Variants in ANK3 observed in about 807,000 individuals in gnomAD.
ANK3 encodes ankyrin-3.
Under a neutral mutation model 370.9 loss-of-function variants are expected in ANK3, and 57 were observed. The observed-to-expected ratio is 0.15, with a 90% confidence interval of 0.12 to 0.19. ANK3 has a LOEUF of 0.19. Among genes scored for constraint, ANK3 ranks in the 10% least tolerant of loss-of-function variants. The pLI, the probability that ANK3 is intolerant of heterozygous loss-of-function variation, is 1.00. For missense variants in ANK3, 4,439 were observed against 5,302.1 expected, an observed-to-expected ratio of 0.84 and a Z score of 5.06; for synonymous variants, 1,929 against 1,946.3, an observed-to-expected ratio of 0.99 and a Z score of 0.23.
intron 23 of ANK3, among the ~76,000 whole-genome samples, chr10:60,145,691 ATCAGTTGCTG>A (rs1264999373): frequency 6.6e-6 from 1 of 152,206 alleles, no homozygotes; most frequent in Non-Finnish European, 1.5e-5. Context: ...AGGATTCAAA[ATCAGTTGCTG>A]TCACTCTAGA....
rs769553086 is a variant in ANK3 at position 60,070,266 on chromosome 10, C to G, written c.10615G>C (p.Gly3539Arg). The change falls in exon 37 of 44, where the codon GGT becomes CGT. Residue 3539 changes from glycine (G) to arginine (R), a missense_variant. By Grantham distance (125) the Gly-to-Arg change is moderately radical. Coordinates refer to ENST00000280772, the MANE Select transcript of ANK3 (RefSeq NM_020987.5). This position sits in a 1 kb window ranked among gnomAD's most constrained non-coding sequence, Gnocchi z 5.7. ...TTAGACCAAGGGTCAAAATCTAGAC[C>G]TTTGGTAGCTACTGTTTTAAAAGGA... ...ATPFKTVATK[G>R]LDFDPWSNNR... 5 of 1,613,942 alleles carry G rather than the reference C, an allele frequency of 3.1e-6. No individual in the cohort carries two copies. In the African/African-American group the frequency reaches 4.0e-5, roughly 13 times the overall value.
intron 1 of ANK3, among the ~76,000 whole-genome samples, chr10:60,332,428 G>A (rs2051584801): frequency 6.6e-6 from 1 of 152,160 alleles, no homozygotes; most frequent in South Asian, 2.1e-4. Context: ...GAGTATGTAG[G>A]TGTTGGCGCC....
At chr10:60,205,644 C>T (rs1284452508) in intron 11 of ANK3, 148 bp downstream of exon 11, 3 of 604,354 alleles carry the variant, frequency 5.0e-6, no homozygotes, top group African/African-American at 3.7e-5. Flanking sequence ...TAGGGACTGG[C>T]AGCCCTCTTC....
intron 40 of ANK3, chr10:60,061,886 C>A (rs2080555279): frequency 6.6e-6 from 1 of 152,134 alleles, no homozygotes. Context: ...GTTAATCTAA[C>A]TTTGCCAGTT....
intron 1 of ANK3, among the ~76,000 whole-genome samples, chr10:60,317,394 G>C (rs2047672588): frequency 6.6e-6 from 1 of 152,102 alleles, no homozygotes; most frequent in Non-Finnish European, 1.5e-5. Flanking sequence ...AAAGTGCTGG[G>C]ATTACAGGCA....
intron 1 of ANK3, among the ~76,000 whole-genome samples, chr10:60,676,184 A>G (rs1276865520): frequency 1.3e-5 from 2 of 152,210 alleles, no homozygotes; most frequent in Non-Finnish European, 2.9e-5. Flanking sequence ...TGATGTTGCA[A>G]TTTTTAAAAG....
intron 2 of ANK3, among the ~76,000 whole-genome samples, chr10:60,490,202 A>C (rs2075457298): frequency 6.6e-6 from 1 of 151,856 alleles, no homozygotes; most frequent in South Asian, 2.1e-4. Flanking sequence ...TCTCAGCTAT[A>C]AAAGTGAAAG....
chr10:60,081,335 C>G (rs2132004051), intron 35 of ANK3, among the ~76,000 whole-genome samples: 1 of 152,196 alleles, frequency 6.6e-6, no homozygotes, highest in East Asian at 1.9e-4. Flanking sequence ...TTCCCCCACC[C>G]CATCCCCGCC....
At position 60,108,370 on chromosome 10, in the gene ANK3, T is replaced by G. The variant is rs557109764; in HGVS notation, c.3173+460A>C. On this transcript the variant is annotated intron_variant, in intron 27 of 43. Coordinates refer to ENST00000280772, the MANE Select transcript of ANK3 (RefSeq NM_020987.5). The stretch of plus-strand genomic sequence containing the variant: ...TCAGTCACGACAGAGCCTGCCTGAT[T>G]TGTACCCAAGTGCCACCTCAGAAAA... 158 of 249,208 alleles carry G rather than the reference T, an allele frequency of 6.3e-4. 1 individual carries two copies. The highest frequency in any genetic ancestry group is 6.0e-3 in the South Asian group (152 of 25,516). 15.4% of individuals were successfully genotyped at this position (249,208 alleles called of 1,614,324 possible).
intron 1 of ANK3, among the ~76,000 whole-genome samples, chr10:60,308,907 G>T (rs72822261): frequency 6.6e-6 from 1 of 151,958 alleles, no homozygotes; most frequent in Non-Finnish European, 1.5e-5. Flanking sequence ...CTTTTGCTTC[G>T]GGTGCTGTTT....
At position 60,072,638 on chromosome 10, in the gene ANK3, A is replaced by G. The variant is rs1178483158; in HGVS notation, c.8243T>C (p.Val2748Ala). The change falls in exon 37 of 44, where the codon GTT becomes GCT. Residue 2748 changes from valine to alanine, a missense_variant. By Grantham distance (64) the Val-to-Ala change is moderately conservative. Coordinates refer to ENST00000280772, the MANE Select transcript of ANK3 (RefSeq NM_020987.5). ...RKSDGQSRIP[V>A]KKIQESKLPV... is the part of the protein sequence containing the mutation. ...TAGCTTGCTCTCCTGTATTTTTTTA[A>G]CTGGGATTCTGGACTGGCCATCTGA... The G allele has an allele frequency of 6.2e-7, 1 of 1,613,968 alleles. No homozygotes were observed. The highest frequency in any genetic ancestry group is 1.1e-5 in the South Asian group (1 of 91,034).
intron 7 of ANK3, among the ~76,000 whole-genome samples, chr10:60,239,366 A>G (rs1334294867): frequency 6.6e-6 from 1 of 152,210 alleles, no homozygotes; most frequent in African/African-American, 2.4e-5. Flanking sequence ...AATGAAATAT[A>G]AAGGAACAAT....
intron 1 of ANK3, among the ~76,000 whole-genome samples, chr10:60,337,034 A>AC (rs202227829): frequency 0.078 from 11,909 of 151,874 alleles, 830 homozygotes; most frequent in East Asian, 0.23. Context: ...TTTAAAAAAA[A>AC]AAACAAACAG....
At chr10:60,463,359 G>T (rs908386947) in intron 2 of ANK3, among the ~76,000 whole-genome samples, 3 of 152,056 alleles carry the variant, frequency 2.0e-5, no homozygotes, top group African/African-American at 7.2e-5. Context: ...TTTTCCGTCT[G>T]CCTAGATTTG....
chr10:60,321,937 G>T (rs1007239835), intron 1 of ANK3, among the ~76,000 whole-genome samples: 1 of 152,090 alleles, frequency 6.6e-6, no homozygotes, highest in Non-Finnish European at 1.5e-5. Flanking sequence ...CTTGCGGTGG[G>T]GGGTGCGAGC....
intron 2 of ANK3, among the ~76,000 whole-genome samples, chr10:60,425,220 G>A (rs930693635): frequency 6.6e-6 from 1 of 152,024 alleles, no homozygotes; most frequent in African/African-American, 2.4e-5. Flanking sequence ...AGCTGCTGAA[G>A]GGTTTTACTG....
rs560334214 is a variant in ANK3, at chr10:60,724,015, C to T, written c.57+9248G>A. ...CACGAGGTCAGGAAATCGAGACCAT[C>T]CTGGCTAACACGGTGAAACCCCGTC... On this transcript the variant is annotated intron_variant, in intron 1 of 43. Transcript: ENST00000373827. Among the ~76,000 whole-genome samples, 3 of 144,096 alleles carry T rather than the reference C, an allele frequency of 2.1e-5. No homozygotes were observed. The South Asian group carries it at 7.4e-4, about 36-fold the overall frequency. 94.5% of individuals were successfully genotyped at this position (144,096 alleles called of 152,430 possible).
intron 28 of ANK3, 127 bp downstream of exon 28, chr10:60,105,778 G>T: frequency 1.0e-6 from 1 of 958,350 alleles, no homozygotes; most frequent in Non-Finnish European, 1.5e-6. Context: ...AGCAACAAAA[G>T]CTGAAGAACT....
At chr10:60,081,922 T>G (rs2085377889) in intron 35 of ANK3, 2 of 401,132 alleles carry the variant, frequency 5.0e-6, no homozygotes, top group African/African-American at 2.1e-5. Context: ...ACCTTCAGTT[T>G]CTGAATCATC....
Sources: allele counts gnomAD v4.1 joint callset (sites outside exome capture counted in the v4.1 genomes callset), GRCh38; gene constraint gnomAD v4.1.1; non-coding constraint Gnocchi (gnomAD v3.1); transcripts MANE v1.5; gene names NCBI Gene and HGNC (gene_info 2026-07-23, HGNC 2026-07-21).